Variants in PPM1L observed in about 807,000 individuals in gnomAD.
PPM1L encodes protein phosphatase, Mg2+/Mn2+ dependent 1L.
PPM1L carries 13 observed loss-of-function variants against 31.4 expected under a neutral mutation model. The observed-to-expected ratio is 0.41, with a 90% confidence interval of 0.27 to 0.66. The LOEUF is 0.66. PPM1L is among the 30% of genes least tolerant of loss of function. The pLI is 0.29. For synonymous variants in PPM1L, 184 were observed against 175.4 expected (o/e 1.05, Z -0.39); for missense variants, 326 against 453.7 (o/e 0.72, Z 2.56).
rs146244483 is a variant in PPM1L at position 161,069,065 on chromosome 3, A to G, written c.991A>G (p.Ile331Val). 1 of 1,614,246 alleles carries G rather than the reference A, an allele frequency of 6.2e-7. No homozygotes were observed. Among genetic ancestry groups the G allele is most frequent in the Non-Finnish European group, 8.5e-7 (1 of 1,180,034 alleles). ...LDEPHFGAKSIVLQSFYRGCP... is the reference protein window; with the variant it reads ...LDEPHFGAKSVVLQSFYRGCP... The stretch of plus-strand genomic sequence containing the variant: ...TGAACCTCACTTTGGGGCCAAGAGC[A>G]TAGTTTTACAGTCATTTTACAGAGG... Residue 331 changes from isoleucine (I) to valine (V), a missense_variant, in exon 4 of 4, where the codon ATA becomes GTA. Coordinates refer to ENST00000498165, the MANE Select transcript of PPM1L (RefSeq NM_139245.4).
intron 1 of PPM1L, among the ~76,000 whole-genome samples, chr3:160,885,090 G>A (rs569343691): frequency 1.3e-5 from 2 of 152,162 alleles, no homozygotes; most frequent in South Asian, 4.2e-4. Context: ...GGCATGTAGG[G>A]GAGGGATAGG....
At chr3:160,920,938 A>G (rs1296045322) in intron 1 of PPM1L, among the ~76,000 whole-genome samples, 2 of 152,092 alleles carry the variant, frequency 1.3e-5, no homozygotes, top group African/African-American at 2.4e-5. Context: ...CACAGTAGTG[A>G]CTATCTCACC....
intron 2 of PPM1L, among the ~76,000 whole-genome samples, chr3:160,984,373 T>G (rs1463690773): frequency 6.6e-6 from 1 of 152,210 alleles, no homozygotes; most frequent in South Asian, 2.1e-4. Context: ...AGCCAGACTT[T>G]AAGGTTATCT....
chr3:160,978,234 C>T (rs1468254147), intron 2 of PPM1L, among the ~76,000 whole-genome samples: 1 of 152,196 alleles, frequency 6.6e-6, no homozygotes, highest in Non-Finnish European at 1.5e-5. Context: ...GTTCCACAGA[C>T]ATTAACTTCC....
chr3:160,777,602 A>G lies in PPM1L; in HGVS notation c.399+20895A>G, dbSNP rs536482904. On this transcript the variant is annotated intron_variant, in intron 1 of 3. Transcript: ENST00000498165. ...TTGACTACTACTGCATATAAGTGGA[A>G]TCATTCAGTATGTGTCTTTTTTGTG... 3.3e-5 allele frequency among the ~76,000 whole-genome samples: 5 copies of G among 152,316 alleles called. No homozygotes were observed. In the South Asian group the frequency reaches 1.0e-3, roughly 32 times the overall value.
intron 2 of PPM1L, among the ~76,000 whole-genome samples, chr3:161,011,030 A>G (rs1231965108): frequency 6.6e-6 from 1 of 152,146 alleles, no homozygotes; most frequent in Non-Finnish European, 1.5e-5. Flanking sequence ...ATTAGATCCC[A>G]TTTGTCAATT....
chr3:160,935,164 C>T (rs1281551748), intron 1 of PPM1L, among the ~76,000 whole-genome samples: 1 of 152,114 alleles, frequency 6.6e-6, no homozygotes, highest in African/African-American at 2.4e-5. Flanking sequence ...TGGGACCATC[C>T]AGAGAGCTTG....
chr3:160,796,511 A>G (rs1712254910), intron 1 of PPM1L, among the ~76,000 whole-genome samples: 1 of 152,236 alleles, frequency 6.6e-6, no homozygotes, highest in South Asian at 2.1e-4. Context: ...ACATAGAAGA[A>G]TCATAAGGAT....
intron 1 of PPM1L, among the ~76,000 whole-genome samples, chr3:160,828,450 CA>C (rs770067301): frequency 1.7e-4 from 26 of 152,160 alleles, no homozygotes; most frequent in Non-Finnish European, 3.2e-4. Context: ...ATATACCAGG[CA>C]TTAGGTGGGT....
chr3:160,962,546 A>G (rs1716002394), intron 2 of PPM1L, among the ~76,000 whole-genome samples: 1 of 150,370 alleles, frequency 6.7e-6, no homozygotes, highest in Non-Finnish European at 1.5e-5. Context: ...AAACTTAAGC[A>G]GCAGAAATAC....
intron 1 of PPM1L, among the ~76,000 whole-genome samples, chr3:160,858,527 C>T (rs1375169900): frequency 6.6e-6 from 1 of 152,156 alleles, no homozygotes; most frequent in Non-Finnish European, 1.5e-5. Flanking sequence ...TTATTCACTT[C>T]AAGTGCAGTG....
At chr3:160,974,421 G>T (rs1239235719) in intron 2 of PPM1L, among the ~76,000 whole-genome samples, 1 of 151,820 alleles carries the variant, frequency 6.6e-6, no homozygotes, top group Non-Finnish European at 1.5e-5. Context: ...GGTATTTCTA[G>T]TTCTAGATCC....
chr3:161,014,645 T>C (rs958653957), intron 2 of PPM1L, among the ~76,000 whole-genome samples: 1 of 152,106 alleles, frequency 6.6e-6, no homozygotes, highest in Non-Finnish European at 1.5e-5. Context: ...CAGCTAACTT[T>C]TATATTTTTA....
At chr3:161,035,847 A>G (rs1369395383) in intron 2 of PPM1L, 1 of 152,230 alleles carries the variant, frequency 6.6e-6, no homozygotes, top group African/African-American at 2.4e-5. Flanking sequence ...TTTTCAGCAT[A>G]TGATTGAACG....
At chr3:160,845,747 C>T (rs1008913366) in intron 1 of PPM1L, among the ~76,000 whole-genome samples, 7 of 151,892 alleles carry the variant, frequency 4.6e-5, no homozygotes, top group Admixed American at 2.6e-4. Flanking sequence ...TTTAAATCTG[C>T]GATCCATTTA....
At chr3:160,763,054 C>T (rs112213601) in intron 1 of PPM1L, among the ~76,000 whole-genome samples, 2,509 of 152,266 alleles carry the variant, frequency 0.016, 63 homozygotes, top group African/African-American at 0.057. Flanking sequence ...CTTGATGGAG[C>T]AGAATGATTC....
At chr3:160,981,463 G>A (rs1406144201) in intron 2 of PPM1L, among the ~76,000 whole-genome samples, 1 of 152,126 alleles carries the variant, frequency 6.6e-6, no homozygotes, top group African/African-American at 2.4e-5. Flanking sequence ...AGAGCAAGGG[G>A]GCACCCAAGA....
At chr3:160,958,212 TTCAGCATGAAA>T (rs1378232311) in intron 1 of PPM1L, among the ~76,000 whole-genome samples, 1 of 152,244 alleles carries the variant, frequency 6.6e-6, no homozygotes, top group Non-Finnish European at 1.5e-5. Flanking sequence ...TTTTGGTGTC[TTCAGCATGAAA>T]TCTTTGGCCA....
chr3:160,920,619 A>T (rs5001382), intron 1 of PPM1L, among the ~76,000 whole-genome samples: 4,349 of 39,268 alleles, frequency 0.11, 269 homozygotes, highest in African/African-American at 0.25. Flanking sequence ...TCTCTCTCAC[A>T]CACACACACA....
Sources: allele counts gnomAD v4.1 joint callset (sites outside exome capture counted in the v4.1 genomes callset), GRCh38; gene constraint gnomAD v4.1.1; transcripts MANE v1.5; gene names NCBI Gene and HGNC (gene_info 2026-07-23, HGNC 2026-07-21).